The following SMNDC1 variants were observed in gnomAD, a reference collection of about 807,000 sequenced individuals.
The protein encoded by SMNDC1 is survival motor neuron domain containing 1.
In SMNDC1, 5 loss-of-function variants were observed where a neutral mutation model predicts 29.2. That is an observed-to-expected ratio of 0.17 (90% CI 0.09 to 0.36). The LOEUF (loss-of-function observed/expected upper bound fraction) is 0.36. Ranked by LOEUF, SMNDC1 falls within the 10% of genes least tolerant of loss-of-function variation. The pLI, the probability that SMNDC1 is intolerant of heterozygous loss-of-function variation, is 1.00. For synonymous variants in SMNDC1, 80 were observed against 89.9 expected (o/e 0.89, Z 0.62); for missense variants, 142 against 268.5 (o/e 0.53, Z 3.29).
intron 2 of SMNDC1, chr10:110,300,862 A>C: frequency 1.5e-5 from 4 of 258,268 alleles, no homozygotes; most frequent in Non-Finnish European, 2.4e-5. Context: ...TCAGCTAGCT[A>C]GCCTGGATTT....
intron 2 of SMNDC1, chr10:110,300,845 G>A (rs1391515620): frequency 8.4e-6 from 3 of 356,550 alleles, no homozygotes; most frequent in Admixed American, 6.5e-5. Flanking sequence ...ACTGCCCGGG[G>A]AGCTAGTCAG....
At chr10:110,301,704 T>C (rs1490608762) in intron 2 of SMNDC1, among the ~76,000 whole-genome samples, 1 of 152,220 alleles carries the variant, frequency 6.6e-6, no homozygotes, top group Non-Finnish European at 1.5e-5. Flanking sequence ...CAGAAAGTTC[T>C]ACTGGACAGT....
rs1293863166 is a variant in SMNDC1 at position 110,304,762 on chromosome 10, G to C, written c.-15C>G. 6.5e-6 allele frequency: 1 copy of C among 152,760 alleles called. No individual in the cohort carries two copies. Among genetic ancestry groups the C allele is most frequent in the Non-Finnish European group, 1.5e-5 (1 of 68,484 alleles). The allele number at this position is 152,760 out of a possible 1,614,324, so 9.5% of individuals were successfully genotyped here. ...GGGGTTGTTACCTTGTGTGGGGCTG[G>C]GGGCGGGGCGGCGGGAAGGGGTCGG... On this transcript the variant is annotated 5_prime_UTR_variant, in exon 1 of 6. Coordinates refer to ENST00000369603, the MANE Select transcript of SMNDC1 (RefSeq NM_005871.4).
At chr10:110,297,393 CT>C (rs143318519) in intron 4 of SMNDC1, among the ~76,000 whole-genome samples, 173 bp downstream of exon 4, 2 of 152,308 alleles carry the variant, frequency 1.3e-5, no homozygotes, top group Non-Finnish European at 2.9e-5. Context: ...TCAAAATTAT[CT>C]TCACTTTACT....
intron 2 of SMNDC1, among the ~76,000 whole-genome samples, chr10:110,299,541 G>A (rs970942004): frequency 1.3e-5 from 2 of 152,106 alleles, no homozygotes; most frequent in Non-Finnish European, 2.9e-5. Flanking sequence ...TTTGGTGTAG[G>A]GATGGCTAAA....
At chr10:110,302,065 G>A (rs1018002263) in intron 2 of SMNDC1, among the ~76,000 whole-genome samples, 1 of 152,166 alleles carries the variant, frequency 6.6e-6, no homozygotes, top group African/African-American at 2.4e-5. Context: ...TCCTAAAAAA[G>A]GACTGCTTAA....
At chr10:110,295,155 TCTTTTC>T (rs1337771110) in intron 5 of SMNDC1, 67 bp downstream of exon 5, 1 of 1,382,254 alleles carries the variant, frequency 7.2e-7, no homozygotes, top group Non-Finnish European at 9.9e-7. Context: ...AATCTCCATC[TCTTTTC>T]ATTTTAAAGT....
chr10:110,294,216 A>G lies in SMNDC1; in HGVS notation c.651T>C (p.Ala217=), dbSNP rs1025580523. The change falls in exon 6 of 6, where the codon GCT becomes GCC. Residue 217 remains alanine (A), a synonymous_variant. Transcript: ENST00000369603. ...GKVGVGTCGI[A]DKPMTQYQDT... ...CTTGATATTGTGTCATAGGTTTATCAGCAATTCCACAGGTTCCTACTCCAA... is the reference window on the plus strand; with the variant it reads ...CTTGATATTGTGTCATAGGTTTATCGGCAATTCCACAGGTTCCTACTCCAA... 1.2e-6 allele frequency: 2 copies of G among 1,608,064 alleles called. No individual in the cohort carries two copies. Among genetic ancestry groups the G allele is most frequent in the African/African-American group, 2.7e-5 (2 of 74,524 alleles).
intron 4 of SMNDC1, among the ~76,000 whole-genome samples, chr10:110,297,137 A>G (rs1052950131): frequency 6.6e-6 from 1 of 152,174 alleles, no homozygotes; most frequent in African/African-American, 2.4e-5. Flanking sequence ...CTAATAATAA[A>G]AGTGGAGGCT....
chr10:110,292,111 T>C lies in SMNDC1; in HGVS notation c.*2039A>G, dbSNP rs1857505950. Reference sequence around the variant, plus strand: ...AATACTGTGGGTATCATGCTTCTCATTGAGCATCTTCTCAAATTCAGTATC... The same window carrying C: ...AATACTGTGGGTATCATGCTTCTCACTGAGCATCTTCTCAAATTCAGTATC... On this transcript the variant is annotated 3_prime_UTR_variant, in exon 6 of 6. Coordinates refer to ENST00000369603, the MANE Select transcript of SMNDC1 (RefSeq NM_005871.4). The C allele has an allele frequency of 6.6e-6, 1 of 152,188 alleles. No homozygotes were observed. Among genetic ancestry groups the C allele is most frequent in the African/African-American group, 2.4e-5 (1 of 41,440 alleles). 9.4% of individuals were successfully genotyped at this position (152,188 alleles called of 1,614,324 possible).
intron 4 of SMNDC1, 93 bp from the exon 5 acceptor site, chr10:110,295,474 T>A: frequency 1.1e-6 from 1 of 892,374 alleles, no homozygotes; most frequent in African/African-American, 1.7e-5. Context: ...AAAAATCTAA[T>A]AAACATATAC....
chr10:110,297,874 G>C (rs1487880634), intron 3 of SMNDC1, 146 bp from the exon 4 acceptor site: 2 of 714,510 alleles, frequency 2.8e-6, no homozygotes, highest in Non-Finnish European at 4.3e-6. Flanking sequence ...GAATACAAAA[G>C]AGTGGTTGAA....
intron 2 of SMNDC1, chr10:110,300,843 G>A: frequency 1.3e-5 from 5 of 385,876 alleles, no homozygotes; most frequent in Non-Finnish European, 1.8e-5. Context: ...AGACTGCCCG[G>A]GGAGCTAGTC....
At chr10:110,295,063 T>C (rs1857546474) in intron 5 of SMNDC1, among the ~76,000 whole-genome samples, 165 bp downstream of exon 5, 1 of 152,226 alleles carries the variant, frequency 6.6e-6, no homozygotes, top group African/African-American at 2.4e-5. Flanking sequence ...GCAGAGACAA[T>C]GGCTAACATT....
In SMNDC1 at chr10:110,291,109, T is replaced by A. The variant is rs1300396621; in HGVS notation, c.*3041A>T. 1 of 152,226 alleles carries A rather than the reference T, an allele frequency of 6.6e-6. No individual in the cohort carries two copies. Among genetic ancestry groups the A allele is most frequent in the Non-Finnish European group, 1.5e-5 (1 of 68,038 alleles). The allele number at this position is 152,226 out of a possible 1,614,324, so 9.4% of individuals were successfully genotyped here. ...TGGTTTGACGCCTAGTCTTCATGAT[T>A]AGGCTAAAAGGTAATTTTTCTTCAT... On this transcript the variant is annotated 3_prime_UTR_variant, in exon 6 of 6. Coordinates refer to ENST00000369603, the MANE Select transcript of SMNDC1 (RefSeq NM_005871.4).
Position 110,297,555 on chromosome 10 carries a change from A to C in SMNDC1, c.425+12T>G. ...AGATTGCACCTAAAATGGAAAAGTC[A>C]AAGTCACTTACTTTGACATGGGTTT... is the stretch of plus-strand genomic sequence containing the variant. On this transcript the variant is annotated intron_variant, in intron 4 of 5. Transcript: ENST00000369603. The C allele has an allele frequency of 6.2e-7, 1 of 1,611,290 alleles. No homozygotes were observed. The highest frequency in any genetic ancestry group is 1.7e-5 in the Admixed American group (1 of 59,466).
At chr10:110,296,876 C>T (rs1030568526) in intron 4 of SMNDC1, among the ~76,000 whole-genome samples, 2 of 152,188 alleles carry the variant, frequency 1.3e-5, no homozygotes, top group African/African-American at 4.8e-5. Flanking sequence ...ATTTACTAAG[C>T]TCTTACTACA....
At chr10:110,299,719 A>G (rs1857617534) in intron 2 of SMNDC1, among the ~76,000 whole-genome samples, 1 of 152,340 alleles carries the variant, frequency 6.6e-6, no homozygotes, top group South Asian at 2.1e-4. Flanking sequence ...AAATTAACAA[A>G]GTTAAACTAT....
rs1857511672 is a variant in SMNDC1, at chr10:110,292,653, T to TCCTA, written c.*1493_*1496dup. The stretch of plus-strand genomic sequence containing the variant: ...AGTTTGTGCCTTTCTGTCCTTTGTG[T>TCCTA]CCTACCCTGTGGCCACGAATTATAT... On this transcript the variant is annotated 3_prime_UTR_variant, in exon 6 of 6. Transcript: ENST00000369603. The TCCTA allele has an allele frequency of 6.6e-6, 1 of 152,140 alleles. No homozygotes were observed. The highest frequency in any genetic ancestry group is 1.5e-5 in the Non-Finnish European group (1 of 68,022). The allele number at this position is 152,140 out of a possible 1,614,324, so 9.4% of individuals were successfully genotyped here. A position where few individuals can be genotyped will look rare whatever the true frequency, so the allele number is the denominator to read the frequency against.
Sources: gnomAD v4.1 joint callset for allele counts (sites outside exome capture counted in the v4.1 genomes callset) on GRCh38, gnomAD v4.1.1 for gene constraint, MANE v1.5 for transcripts, NCBI Gene and HGNC (gene_info 2026-07-23, HGNC 2026-07-21) for gene names.